The following MYO1A variants were observed in gnomAD, a reference collection of about 807,000 sequenced individuals.
MYO1A encodes myosin IA.
A neutral mutation model predicts 138.5 loss-of-function variants in MYO1A; 127 were observed. The ratio of observed to expected loss-of-function variants is 0.92; its 90% CI spans 0.79 to 1.06. The LOEUF is 1.06. MYO1A is among the 50% of genes least tolerant of loss of function. The probability of loss-of-function intolerance (pLI) is 0.00; values close to 1 mark genes in which losing one functional copy is unlikely to be tolerated. For missense variants in MYO1A, 1,211 were observed against 1,288.8 expected (o/e 0.94, Z 0.92); for synonymous variants, 477 against 497.5 (o/e 0.96, Z 0.55).
At chr12:57,033,215 T>C (rs1477618084) in intron 22 of MYO1A, among the ~76,000 whole-genome samples, 2 of 152,172 alleles carry the variant, frequency 1.3e-5, no homozygotes, top group Non-Finnish European at 2.9e-5. Context: ...ACTCTCAGAT[T>C]TCTCTACATG....
intron 22 of MYO1A, among the ~76,000 whole-genome samples, chr12:57,034,337 T>C (rs2030427618): frequency 6.6e-6 from 1 of 152,196 alleles, no homozygotes; most frequent in Non-Finnish European, 1.5e-5. Flanking sequence ...AGTATTAGAG[T>C]TAATGCATGT....
rs1190027860 is a variant in MYO1A, at chr12:57,029,226, G to A, written c.2911C>T (p.Leu971=). The stretch of plus-strand genomic sequence containing the variant: ...AGTTCAATCACATGCTCGCTGACCA[G>A]CAGGAAGTCCCCCTTGGAGCCCACC... ...SSVGSKGDFL[L]VSEHVIELLT... Residue 971 remains leucine (L), a synonymous_variant, in exon 27 of 28, where the codon CTG becomes TTG. Coordinates refer to ENST00000300119, the MANE Select transcript of MYO1A (RefSeq NM_005379.4). The A allele has an allele frequency of 6.2e-7, 1 of 1,614,114 alleles. No homozygotes were observed. Among genetic ancestry groups the A allele is most frequent in the Admixed American group, 1.7e-5 (1 of 60,006 alleles).
intron 14 of MYO1A, among the ~76,000 whole-genome samples, chr12:57,039,766 G>A (rs138995861): frequency 6.6e-6 from 1 of 152,216 alleles, no homozygotes; most frequent in Non-Finnish European, 1.5e-5. Context: ...CCACCTGGAG[G>A]GCTGTTAAAA....
intron 10 of MYO1A, 145 bp downstream of exon 10, chr12:57,043,711 G>GA: frequency 9.8e-7 from 1 of 1,024,388 alleles, no homozygotes; most frequent in Non-Finnish European, 1.5e-6. Flanking sequence ...AGTTCTCAGT[G>GA]AGTCTGTTTA....
At chr12:57,028,935 C>T (rs1435821112) in intron 27 of MYO1A, 54 bp from the exon 28 acceptor site, 2 of 1,604,108 alleles carry the variant, frequency 1.2e-6, no homozygotes, top group South Asian at 1.1e-5. Context: ...CCCCGACTCC[C>T]GCATTTCCAT....
intron 3 of MYO1A, 56 bp downstream of exon 3, chr12:57,047,933 G>A: frequency 1.3e-6 from 2 of 1,582,928 alleles, no homozygotes; most frequent in Admixed American, 3.4e-5. Context: ...AAATTAGGAT[G>A]ACTCAGTGTC....
rs1276609311 is a variant in MYO1A, at chr12:57,037,862, G to T, written c.1961+7C>A. 5 of 1,613,778 alleles carry T rather than the reference G, an allele frequency of 3.1e-6. No homozygotes were observed. The highest frequency in any genetic ancestry group is 1.3e-5 in the African/African-American group (1 of 74,930). On this transcript the variant is annotated splice_region_variant and intron_variant, in intron 18 of 27. Transcript: ENST00000300119. ...TCCTGATGCCCAGTCTCCCCATGGG[G>T]TCTTACCGGTCTCCCCCATTCCAGT...
In MYO1A at chr12:57,037,963, C is replaced by T. The variant is rs1221416411; in HGVS notation, c.1867G>A (p.Ala623Thr). 6.2e-7 allele frequency: 1 copy of T among 1,614,130 alleles called. No individual in the cohort carries two copies. Among genetic ancestry groups the T allele is most frequent in the Non-Finnish European group, 8.5e-7 (1 of 1,180,020 alleles). The change falls in exon 18 of 28, where the codon GCA becomes ACA. Residue 623 changes from alanine to threonine, a missense_variant. By Grantham distance (58) the Ala-to-Thr change is moderately conservative. Coordinates refer to ENST00000300119, the MANE Select transcript of MYO1A (RefSeq NM_005379.4). Reference sequence around the variant, plus strand: ...TAACCCTGGCGGTGGGCATAGCCTGCCCGTCGCACCCGTACGTTCTCCAGC... The same window carrying T: ...TAACCCTGGCGGTGGGCATAGCCTGTCCGTCGCACCCGTACGTTCTCCAGC... Reference protein sequence around the residue: ...GLLENVRVRRAGYAHRQGYGP... With the variant: ...GLLENVRVRRTGYAHRQGYGP...
chr12:57,029,495 A>C lies in MYO1A; in HGVS notation c.2817T>G (p.Asn939Lys). The C allele has an allele frequency of 6.2e-7, 1 of 1,614,176 alleles. No individual in the cohort carries two copies. The highest frequency in any genetic ancestry group is 8.5e-7 in the Non-Finnish European group (1 of 1,180,034). Residue 939 changes from asparagine to lysine, a missense_variant, in exon 26 of 28, where the codon AAT (asparagine) becomes AAG (lysine). Asn to Lys is a moderately conservative substitution (Grantham distance 94). Coordinates refer to ENST00000300119, the MANE Select transcript of MYO1A (RefSeq NM_005379.4). ...GGCTGGTGACTGACACCCCAGCCAC[A>C]TTGTCTAGCCCAATGACAATTTTGG... ...SQAKIVIGLD[N>K]VAGVSVTSLK...
At chr12:57,040,508 G>A (rs1315249541) in intron 14 of MYO1A, among the ~76,000 whole-genome samples, 1 of 152,190 alleles carries the variant, frequency 6.6e-6, no homozygotes, top group Non-Finnish European at 1.5e-5. Flanking sequence ...GCATGGGAAT[G>A]TATTATGTAT....
chr12:57,039,320 GC>G, intron 14 of MYO1A, 46 bp from the exon 15 acceptor site: 1 of 1,477,424 alleles, frequency 6.8e-7, no homozygotes, highest in East Asian at 2.3e-5. Flanking sequence ...TCCAAGACAA[GC>G]CTCCAGAGAC....
chr12:57,029,755 A>C lies in MYO1A; in HGVS notation c.2709T>G (p.Asn903Lys). 6.2e-7 allele frequency: 1 copy of C among 1,614,130 alleles called. No individual in the cohort carries two copies. ...VLMAEAVKKVNRGNGKTSSRI... is the reference protein window; with the variant it reads ...VLMAEAVKKVKRGNGKTSSRI... ...AGGCCCTTACCTTGCCATTGCCACG[A>C]TTGACCTTCTTCACGGCCTCTGCCA... Residue 903 changes from asparagine (N) to lysine (K), a missense_variant, in exon 25 of 28, where the codon AAT becomes AAG. Physicochemically the swap from Asn to Lys is moderately conservative, Grantham distance 94. Coordinates refer to ENST00000300119, the MANE Select transcript of MYO1A (RefSeq NM_005379.4).
intron 22 of MYO1A, among the ~76,000 whole-genome samples, chr12:57,031,546 G>A (rs1452029154): frequency 6.6e-6 from 1 of 152,180 alleles, no homozygotes; most frequent in Non-Finnish European, 1.5e-5. Context: ...GTCTGTGTCA[G>A]CTGTTGGCTA....
chr12:57,028,564 G>T lies in MYO1A; in HGVS notation c.*191C>A. The T allele has an allele frequency of 1.5e-6, 1 of 686,060 alleles. No homozygotes were observed. The highest frequency in any genetic ancestry group is 2.4e-6 in the Non-Finnish European group (1 of 416,146). The allele number at this position is 686,060 out of a possible 1,614,324, so 42.5% of individuals were successfully genotyped here. A position where few individuals can be genotyped will look rare whatever the true frequency, so the allele number is the denominator to read the frequency against. ...TTTATTAGTGTGCAGAGAGGCTGCG[G>T]GTTGGAGGAAGCTACTTTTGGAGGA... On this transcript the variant is annotated 3_prime_UTR_variant, in exon 28 of 28. Coordinates refer to ENST00000300119, the MANE Select transcript of MYO1A (RefSeq NM_005379.4).
At chr12:57,033,693 G>A (rs1446710141) in intron 22 of MYO1A, among the ~76,000 whole-genome samples, 4 of 152,126 alleles carry the variant, frequency 2.6e-5, no homozygotes, top group Non-Finnish European at 5.9e-5. Context: ...CTAGCAACCT[G>A]TTTGTTTATG....
chr12:57,041,043 T>C (rs942766847), intron 14 of MYO1A, 141 bp downstream of exon 14: 16 of 695,432 alleles, frequency 2.3e-5, no homozygotes, highest in Non-Finnish European at 3.9e-5. Context: ...GCTGGAATGA[T>C]CTACTATGCA....
intron 7 of MYO1A, 88 bp downstream of exon 7, chr12:57,046,775 C>T (rs1211897835): frequency 1.3e-6 from 2 of 1,539,356 alleles, no homozygotes; most frequent in East Asian, 2.3e-5. Flanking sequence ...TGACGTCTAA[C>T]ATTCTGCCTT....
At chr12:57,048,141 G>A in intron 2 of MYO1A, 37 bp from the exon 3 acceptor site, 2 of 1,602,608 alleles carry the variant, frequency 1.2e-6, no homozygotes, top group South Asian at 1.1e-5. Flanking sequence ...ATGAGCTTGA[G>A]GGTGAGGTGG....
chr12:57,045,040 A>G (rs973127320), intron 8 of MYO1A, among the ~76,000 whole-genome samples: 2 of 152,172 alleles, frequency 1.3e-5, no homozygotes, highest in Admixed American at 1.3e-4. Context: ...TGAGGGCCTG[A>G]GCCAAATGGC....
Sources: gnomAD v4.1 joint callset for allele counts (sites outside exome capture counted in the v4.1 genomes callset) on GRCh38, gnomAD v4.1.1 for gene constraint, MANE v1.5 for transcripts, NCBI Gene and HGNC (gene_info 2026-07-23, HGNC 2026-07-21) for gene names.